TENM3: variants seen among roughly 807,000 people sequenced by gnomAD.
The protein encoded by TENM3 is teneurin-3.
Under a neutral mutation model 255.1 loss-of-function variants are expected in TENM3, and 63 were observed. The observed-to-expected ratio is 0.25, with a 90% CI of 0.20 to 0.30. The LOEUF is 0.30. Ranked by LOEUF, TENM3 falls within the 10% of genes least tolerant of loss-of-function variation. The probability of loss-of-function intolerance (pLI) is 1.00; values close to 1 mark genes in which losing one functional copy is unlikely to be tolerated. For missense variants in TENM3, 2,929 were observed against 3,461.1 expected, an observed-to-expected ratio of 0.85 and a Z score of 3.86; for synonymous variants, 1,306 against 1,322.3, an observed-to-expected ratio of 0.99 and a Z score of 0.27.
intron 3 of TENM3, among the ~76,000 whole-genome samples, chr4:182,468,392 A>G (rs1457819611): frequency 1.3e-5 from 2 of 152,218 alleles, no homozygotes; most frequent in South Asian, 2.1e-4. Context: ...GCTGGATGCC[A>G]GAAGACATGA....
the TENM3 span, chr4:181,906,044 T>C: frequency 2.3e-6 from 1 of 425,740 alleles, no homozygotes; most frequent in African/African-American, 2.1e-5. Context: ...TTCTGTTCTC[T>C]CTCAACATCA....
the TENM3 span, among the ~76,000 whole-genome samples, chr4:181,625,687 G>C: frequency 6.6e-6 from 1 of 151,888 alleles, no homozygotes; most frequent in East Asian, 1.9e-4. Flanking sequence ...GGCGGCAGGC[G>C]CCTGTAGTCC....
the TENM3 span, among the ~76,000 whole-genome samples, chr4:182,120,266 C>T: frequency 6.6e-6 from 1 of 152,144 alleles, no homozygotes; most frequent in African/African-American, 2.4e-5. Context: ...ACATGCTGTA[C>T]AGGTTTGTAG....
intron 22 of TENM3, among the ~76,000 whole-genome samples, chr4:182,760,623 A>G (rs1459119553): frequency 6.6e-6 from 1 of 152,194 alleles, no homozygotes; most frequent in African/African-American, 2.4e-5. Flanking sequence ...TTTGTGAGCT[A>G]TATTCAGATT....
chr4:181,653,613 A>T, the TENM3 span, among the ~76,000 whole-genome samples: 4 of 150,502 alleles, frequency 2.7e-5, no homozygotes, highest in South Asian at 2.1e-4. Context: ...GTTGGCCAGG[A>T]TGCTCTTGAT....
chr4:182,470,274 G>A (rs1323808240), intron 3 of TENM3, among the ~76,000 whole-genome samples: 1 of 152,188 alleles, frequency 6.6e-6, no homozygotes, highest in Admixed American at 6.5e-5. Flanking sequence ...CCTAATTTAT[G>A]TAAACCTGTA....
chr4:182,560,080 GTT>G (rs367823929), intron 3 of TENM3, among the ~76,000 whole-genome samples: 3 of 137,690 alleles, frequency 2.2e-5, no homozygotes, highest in African/African-American at 2.7e-5. Flanking sequence ...TTAAAAAAAG[GTT>G]TTTTTTTTTT....
the TENM3 span, among the ~76,000 whole-genome samples, chr4:181,768,132 A>C: frequency 6.6e-6 from 1 of 152,354 alleles, no homozygotes; most frequent in Admixed American, 6.5e-5. Context: ...TTTTGGATAA[A>C]GGACATGAAG....
the TENM3 span, among the ~76,000 whole-genome samples, chr4:181,640,283 T>C: frequency 1.2e-3 from 187 of 152,296 alleles, 1 homozygote; most frequent in African/African-American, 4.2e-3. Context: ...GTGATTCTGA[T>C]TGCAAGTTAG....
chr4:182,545,089 T>A (rs1741297100), intron 3 of TENM3, among the ~76,000 whole-genome samples: 1 of 152,142 alleles, frequency 6.6e-6, no homozygotes, highest in Non-Finnish European at 1.5e-5. Flanking sequence ...TTGCTTCTCC[T>A]GATAGAAAAA....
chr4:181,849,038 T>A, the TENM3 span, among the ~76,000 whole-genome samples: 2 of 152,220 alleles, frequency 1.3e-5, no homozygotes, highest in South Asian at 4.1e-4. Flanking sequence ...AAAATAACCA[T>A]TTGACATTAA....
the TENM3 span, among the ~76,000 whole-genome samples, chr4:181,710,678 C>T: frequency 6.6e-6 from 1 of 151,970 alleles, no homozygotes; most frequent in Non-Finnish European, 1.5e-5. Context: ...GCTGAGATCT[C>T]GCCACTGTAC....
the TENM3 span, among the ~76,000 whole-genome samples, chr4:181,935,991 T>C: frequency 7.2e-5 from 11 of 152,234 alleles, no homozygotes; most frequent in Non-Finnish European, 1.5e-4. Context: ...ATCCAAGCTA[T>C]GTAACTCTAG....
chr4:182,416,187 G>A (rs896439837), intron 3 of TENM3, among the ~76,000 whole-genome samples: 2 of 151,988 alleles, frequency 1.3e-5, no homozygotes, highest in Non-Finnish European at 2.9e-5. Flanking sequence ...GTCTCCATCC[G>A]CATATCCATA....
At chr4:181,799,271 T>C in the TENM3 span, among the ~76,000 whole-genome samples, 19 of 152,230 alleles carry the variant, frequency 1.2e-4, no homozygotes, top group African/African-American at 4.6e-4. Context: ...GCTAAATAAA[T>C]ACATGTTGCC....
the TENM3 span, among the ~76,000 whole-genome samples, chr4:181,636,847 C>A: frequency 2.6e-5 from 4 of 152,180 alleles, no homozygotes; most frequent in African/African-American, 9.7e-5. Flanking sequence ...CTTCCCGTCA[C>A]CCTTCGATTA....
intron 1 of TENM3, among the ~76,000 whole-genome samples, chr4:182,264,937 T>C (rs1172402978): frequency 6.6e-6 from 1 of 152,206 alleles, no homozygotes; most frequent in African/African-American, 2.4e-5. Flanking sequence ...GGTTTTTTTT[T>C]CTTAGTCGAC....
intron 1 of TENM3, among the ~76,000 whole-genome samples, chr4:182,303,616 C>T (rs983504270): frequency 6.6e-6 from 1 of 152,132 alleles, no homozygotes; most frequent in Non-Finnish European, 1.5e-5. Flanking sequence ...GTCTACTTAA[C>T]AGGTGTATGA....
At chr4:181,736,892 C>G in the TENM3 span, among the ~76,000 whole-genome samples, 1 of 151,936 alleles carries the variant, frequency 6.6e-6, no homozygotes, top group Admixed American at 6.6e-5. Flanking sequence ...GTCCTGAAGC[C>G]GCCATCTTGG....
Sources: allele counts gnomAD v4.1 joint callset (sites outside exome capture counted in the v4.1 genomes callset), GRCh38; gene constraint gnomAD v4.1.1; transcripts MANE v1.5; gene names NCBI Gene and HGNC (gene_info 2026-07-23, HGNC 2026-07-21).